The following DCDC2 variants were observed in gnomAD, a reference collection of about 807,000 sequenced individuals.
DCDC2 encodes doublecortin domain-containing protein 2.
In DCDC2, 40 loss-of-function variants were observed where a neutral mutation model predicts 50.2. The observed-to-expected ratio is 0.80, with a 90% CI of 0.62 to 1.04. The LOEUF (loss-of-function observed/expected upper bound fraction) is 1.04. DCDC2 is among the 50% of genes least tolerant of loss of function. The pLI is 0.00. For synonymous variants in DCDC2, 234 were observed against 210.6 expected (o/e 1.11, Z -0.96); for missense variants, 570 against 581.9 (o/e 0.98, Z 0.21).
chr6:24,232,607 A>T (rs1762359284), intron 7 of DCDC2, among the ~76,000 whole-genome samples: 1 of 152,222 alleles, frequency 6.6e-6, no homozygotes, highest in South Asian at 2.1e-4. Flanking sequence ...GACTAGACCC[A>T]TATTTTTCAC....
At chr6:24,212,761 ACT>A (rs1761898140) in intron 7 of DCDC2, among the ~76,000 whole-genome samples, 1 of 152,074 alleles carries the variant, frequency 6.6e-6, no homozygotes, top group South Asian at 2.1e-4. Context: ...CATAACAAAC[ACT>A]CTAGTAAAAA....
At chr6:24,308,149 G>A (rs1198548746) in intron 2 of DCDC2, among the ~76,000 whole-genome samples, 1 of 152,232 alleles carries the variant, frequency 6.6e-6, no homozygotes, top group Non-Finnish European at 1.5e-5. Flanking sequence ...AAAGCCAAGA[G>A]CAGGGCAAAA....
At chr6:24,326,379 T>C (rs77165612) in intron 2 of DCDC2, among the ~76,000 whole-genome samples, 3,864 of 149,082 alleles carry the variant, frequency 0.026, 214 homozygotes, top group African/African-American at 0.085. Context: ...TAGAGCTCCC[T>C]GGATAGTAGA....
intron 8 of DCDC2, among the ~76,000 whole-genome samples, chr6:24,183,860 C>G (rs147329271): frequency 6.6e-6 from 1 of 152,118 alleles, no homozygotes; most frequent in African/African-American, 2.4e-5. Flanking sequence ...GGGCATGTGT[C>G]GGGAAAGGAG....
At chr6:24,373,636 G>C in the DCDC2 span, among the ~76,000 whole-genome samples, 8 of 152,198 alleles carry the variant, frequency 5.3e-5, no homozygotes, top group African/African-American at 9.7e-5. Context: ...GGGGAATAAA[G>C]GGGGTGGGAC....
chr6:24,363,846 G>C, the DCDC2 span, among the ~76,000 whole-genome samples: 13 of 152,108 alleles, frequency 8.5e-5, no homozygotes, highest in Non-Finnish European at 1.8e-4. Context: ...CATCCTGAAA[G>C]GTCGCTGAAA....
chr6:24,207,198 G>A (rs1199489240), intron 7 of DCDC2, among the ~76,000 whole-genome samples: 2 of 151,558 alleles, frequency 1.3e-5, no homozygotes, highest in East Asian at 3.9e-4. Context: ...ATGACCCAGA[G>A]ACAGCCATCA....
At chr6:24,369,155 C>CAAAAAAAAA in the DCDC2 span, among the ~76,000 whole-genome samples, 2 of 129,768 alleles carry the variant, frequency 1.5e-5, no homozygotes, top group Non-Finnish European at 3.3e-5. Flanking sequence ...AAAAAAAAAC[C>CAAAAAAAAA]AAAAAGAGAA....
the DCDC2 span, among the ~76,000 whole-genome samples, chr6:24,381,955 AGAAAGAAGGAAGGAAG>A: frequency 4.1e-5 from 4 of 96,970 alleles, no homozygotes; most frequent in African/African-American, 1.5e-4. Flanking sequence ...GAAGAAGGAA[AGAAAGAAGGAAGGAAG>A]GAAGGAAGGA....
At chr6:24,260,457 T>C (rs1474293627) in intron 7 of DCDC2, among the ~76,000 whole-genome samples, 1 of 152,226 alleles carries the variant, frequency 6.6e-6, no homozygotes, top group Non-Finnish European at 1.5e-5. Flanking sequence ...TAAATAACCA[T>C]CATCATGCTT....
intron 2 of DCDC2, among the ~76,000 whole-genome samples, chr6:24,319,463 CTTTTG>C (rs1440187398): frequency 1.3e-5 from 2 of 151,994 alleles, no homozygotes; most frequent in East Asian, 1.9e-4. Flanking sequence ...CATTTGTCTA[CTTTTG>C]TTTTGTTTTG....
intron 4 of DCDC2, among the ~76,000 whole-genome samples, chr6:24,293,746 T>A (rs894299713): frequency 1.3e-5 from 2 of 152,240 alleles, no homozygotes; most frequent in Non-Finnish European, 2.9e-5. Flanking sequence ...TATTGCCACA[T>A]GGCACATACC....
intron 8 of DCDC2, among the ~76,000 whole-genome samples, chr6:24,187,831 C>T (rs144978089): frequency 7.2e-5 from 11 of 152,236 alleles, no homozygotes; most frequent in Middle Eastern, 6.8e-3. Flanking sequence ...GGCCTAAGCA[C>T]GTCATATGCA....
intron 8 of DCDC2, among the ~76,000 whole-genome samples, chr6:24,189,344 G>T (rs1474083949): frequency 6.6e-6 from 1 of 152,150 alleles, no homozygotes; most frequent in African/African-American, 2.4e-5. Flanking sequence ...TAAGGGGAAA[G>T]AAGATGGAAT....
At chr6:24,286,756 G>A (rs1763620319) in intron 6 of DCDC2, among the ~76,000 whole-genome samples, 1 of 152,102 alleles carries the variant, frequency 6.6e-6, no homozygotes, top group Admixed American at 6.5e-5. Context: ...TCTTTGCCCT[G>A]GCTGCCTTCT....
At chr6:24,269,166 A>G (rs560829942) in intron 7 of DCDC2, among the ~76,000 whole-genome samples, 5 of 152,218 alleles carry the variant, frequency 3.3e-5, no homozygotes, top group Non-Finnish European at 7.3e-5. Context: ...GGTATCACAT[A>G]AGTGAGGAAA....
intron 7 of DCDC2, among the ~76,000 whole-genome samples, chr6:24,236,698 A>G (rs930430200): frequency 6.6e-6 from 1 of 152,134 alleles, no homozygotes; most frequent in Non-Finnish European, 1.5e-5. Context: ...AGAAAAAAAA[A>G]CAAACAACCC....
At chr6:24,200,734 G>A (rs192851751) in intron 8 of DCDC2, among the ~76,000 whole-genome samples, 20 of 152,096 alleles carry the variant, frequency 1.3e-4, no homozygotes, top group African/African-American at 4.3e-4. Flanking sequence ...ACCCATCGGT[G>A]TGCTGTATTC....
At chr6:24,275,521 G>A (rs1399885660) in intron 7 of DCDC2, among the ~76,000 whole-genome samples, 2 of 151,996 alleles carry the variant, frequency 1.3e-5, no homozygotes. Flanking sequence ...CTAGATCAGT[G>A]GTACAAGCCA....
Sources: gnomAD v4.1 joint callset for allele counts (sites outside exome capture counted in the v4.1 genomes callset) on GRCh38, gnomAD v4.1.1 for gene constraint, MANE v1.5 for transcripts, NCBI Gene and HGNC (gene_info 2026-07-23, HGNC 2026-07-21) for gene names.